Variants in CHD9 observed in about 807,000 individuals in gnomAD.
CHD9 encodes the protein chromodomain helicase DNA binding protein 9, also known as ATP-dependent chromatin remodeler CHD9.
A neutral mutation model predicts 316.1 loss-of-function variants in CHD9; 77 were observed. That is an observed-to-expected ratio of 0.24 (90% CI 0.20 to 0.29). The LOEUF (loss-of-function observed/expected upper bound fraction) is 0.29, where lower values mean the gene tolerates loss of function less well. Ranked by LOEUF, CHD9 falls within the 10% of genes least tolerant of loss-of-function variation. The pLI is 1.00. For synonymous variants in CHD9, 1,129 were observed against 1,158.3 expected, an observed-to-expected ratio of 0.97 and a Z score of 0.51; for missense variants, 2,763 against 3,438.1, an observed-to-expected ratio of 0.80 and a Z score of 4.91.
intron 37 of CHD9, 57 bp downstream of exon 37, chr16:53,318,397 CA>C (rs1282740158): frequency 1.0e-4 from 138 of 1,353,958 alleles, no homozygotes; most frequent in Non-Finnish European, 2.8e-5. Context: ...AAGAGATCTC[CA>C]GAACACTATT....
intron 1 of CHD9, among the ~76,000 whole-genome samples, chr16:53,134,569 AT>A (rs1378217389): frequency 6.6e-6 from 1 of 152,042 alleles, no homozygotes; most frequent in East Asian, 1.9e-4. Context: ...GCCCTTAGGG[AT>A]TTCTCCTTCC....
At chr16:53,140,299 A>G (rs1187395779) in intron 1 of CHD9, among the ~76,000 whole-genome samples, 6 of 151,958 alleles carry the variant, frequency 3.9e-5, no homozygotes, top group African/African-American at 1.5e-4. Context: ...TCTACTAAAA[A>G]TACAAAAAAT....
chr16:53,132,029 C>T (rs2152684255), intron 1 of CHD9, among the ~76,000 whole-genome samples: 1 of 152,294 alleles, frequency 6.6e-6, no homozygotes, highest in African/African-American at 2.4e-5. Context: ...GCCCGGGTGT[C>T]TCACTGGCTG....
At chr16:53,101,864 G>A (rs1404366448) in intron 1 of CHD9, among the ~76,000 whole-genome samples, 1 of 152,192 alleles carries the variant, frequency 6.6e-6, no homozygotes, top group African/African-American at 2.4e-5. Flanking sequence ...ATCAAGTGGT[G>A]TCAGGGAGTT....
At chr16:53,172,289 G>A (rs1428257769) in intron 2 of CHD9, among the ~76,000 whole-genome samples, 1 of 152,134 alleles carries the variant, frequency 6.6e-6, no homozygotes, top group East Asian at 1.9e-4. Flanking sequence ...TCAATAGTAT[G>A]TACAGTTTGT....
intron 19 of CHD9, among the ~76,000 whole-genome samples, chr16:53,261,050 T>C (rs1011354601): frequency 1.3e-5 from 2 of 151,286 alleles, no homozygotes; most frequent in African/African-American, 4.9e-5. Context: ...AAATACAAAA[T>C]TAGTTTTTCA....
intron 1 of CHD9, among the ~76,000 whole-genome samples, chr16:53,139,372 TAAG>T (rs1258497511): frequency 2.0e-5 from 3 of 152,174 alleles, no homozygotes; most frequent in South Asian, 4.1e-4. Context: ...CTTGTATTAA[TAAG>T]GTGCTAATCA....
At chr16:53,298,228 G>A (rs1249636743) in intron 30 of CHD9, 2 of 152,276 alleles carry the variant, frequency 1.3e-5, no homozygotes, top group African/African-American at 4.8e-5. Context: ...GCACCATGGG[G>A]AAGGCCATGA....
intron 19 of CHD9, 144 bp downstream of exon 19, chr16:53,255,923 T>G: frequency 1.4e-6 from 1 of 736,982 alleles, no homozygotes; most frequent in Non-Finnish European, 2.2e-6. Context: ...TTCATTTTTT[T>G]CTGATCCCTT....
intron 38 of CHD9, among the ~76,000 whole-genome samples, chr16:53,323,622 T>C (rs1188635719): frequency 6.6e-6 from 1 of 152,196 alleles, no homozygotes; most frequent in African/African-American, 2.4e-5. Flanking sequence ...TAATATTCCT[T>C]CTTTATTGTT....
intron 1 of CHD9, among the ~76,000 whole-genome samples, chr16:53,133,181 G>C (rs554611338): frequency 6.6e-6 from 1 of 152,074 alleles, no homozygotes; most frequent in Non-Finnish European, 1.5e-5. Context: ...ACAGTTTCAG[G>C]TAAGTATGTA....
chr16:53,308,901 A>G (rs1306279880), intron 34 of CHD9, 47 bp downstream of exon 34: 4 of 1,472,454 alleles, frequency 2.7e-6, no homozygotes, highest in Non-Finnish European at 3.7e-6. Context: ...ATTTTCTGTC[A>G]TGTCCAAATC....
chr16:53,149,224 A>G (rs2152730287), intron 1 of CHD9, among the ~76,000 whole-genome samples: 1 of 152,132 alleles, frequency 6.6e-6, no homozygotes, highest in Middle Eastern at 3.4e-3. Flanking sequence ...AAGAATGTAT[A>G]TTTTGCTATT....
intron 18 of CHD9, 98 bp from the exon 19 acceptor site, chr16:53,255,502 A>T: frequency 9.5e-7 from 1 of 1,047,366 alleles, no homozygotes; most frequent in Non-Finnish European, 1.4e-6. Flanking sequence ...AATGCAGTTT[A>T]AGCATGCCTC....
At chr16:53,204,483 A>G (rs1160907935) in intron 2 of CHD9, among the ~76,000 whole-genome samples, 2 of 152,160 alleles carry the variant, frequency 1.3e-5, no homozygotes, top group Non-Finnish European at 2.9e-5. Context: ...AAAAATTATA[A>G]TTTTATTAGA....
chr16:53,138,678 GT>G (rs1408826985), intron 1 of CHD9, among the ~76,000 whole-genome samples: 3 of 152,160 alleles, frequency 2.0e-5, no homozygotes, highest in Non-Finnish European at 2.9e-5. Flanking sequence ...TGTCACTTTG[GT>G]TAGTGATGAT....
At position 53,245,279 on chromosome 16, in the gene CHD9, C is replaced by A. The variant is rs901544874; in HGVS notation, c.3055-57C>A. The A allele has an allele frequency of 4.5e-6, 6 of 1,322,690 alleles. No individual in the cohort carries two copies. The highest frequency in any genetic ancestry group is 3.5e-5 in the South Asian group (2 of 56,588). 81.9% of individuals were successfully genotyped at this position (1,322,690 alleles called of 1,614,324 possible). ...TTGATCATTCGATAATCTAAGTCAG[C>A]TTTCATATAATTTTAGTACTGTGAT... On this transcript the variant is annotated intron_variant, in intron 13 of 38. Transcript: ENST00000447540. This position sits in a 1 kb window ranked among gnomAD's most constrained non-coding sequence, Gnocchi z 4.1.
chr16:53,088,167 C>A (rs2035626913), intron 1 of CHD9, among the ~76,000 whole-genome samples: 1 of 152,008 alleles, frequency 6.6e-6, no homozygotes, highest in Admixed American at 6.6e-5. Context: ...GCCCCTATAT[C>A]CTTTCAGGTC....
intron 24 of CHD9, among the ~76,000 whole-genome samples, chr16:53,278,932 A>G (rs1322798329): frequency 1.3e-5 from 2 of 152,204 alleles, no homozygotes; most frequent in Non-Finnish European, 2.9e-5. Flanking sequence ...TACTTCAACC[A>G]TTGTGGAAGA....
Sources: gnomAD v4.1 joint callset for allele counts (sites outside exome capture counted in the v4.1 genomes callset) on GRCh38, gnomAD v4.1.1 for gene constraint, Gnocchi (gnomAD v3.1) non-coding constraint, MANE v1.5 for transcripts, NCBI Gene and HGNC (gene_info 2026-07-23, HGNC 2026-07-21) for gene names.